The following CPQ variants were observed in gnomAD, a reference collection of about 807,000 sequenced individuals.
The protein encoded by CPQ is carboxypeptidase Q, also known as Ser-Met dipeptidase.
A neutral mutation model predicts 45.7 loss-of-function variants in CPQ; 37 were observed. The ratio of observed to expected loss-of-function variants is 0.81; its 90% CI spans 0.62 to 1.07. CPQ has a LOEUF of 1.07. CPQ is among the 50% of genes least tolerant of loss of function. The pLI is 0.00. For missense variants in CPQ, 537 were observed against 572.9 expected (o/e 0.94, Z 0.64); for synonymous variants, 186 against 205.8 (o/e 0.90, Z 0.82).
intron 1 of CPQ, among the ~76,000 whole-genome samples, chr8:96,696,922 A>C (rs962506025): frequency 6.6e-6 from 1 of 152,214 alleles, no homozygotes; most frequent in Non-Finnish European, 1.5e-5. Context: ...TCCATGGCTG[A>C]ATTCTAACAA....
intron 4 of CPQ, among the ~76,000 whole-genome samples, chr8:96,902,932 T>A (rs1812531578): frequency 6.6e-6 from 1 of 152,224 alleles, no homozygotes; most frequent in Non-Finnish European, 1.5e-5. Context: ...AGCTCATTCT[T>A]TCCCTTGTCA....
At chr8:96,689,627 G>A (rs908284008) in intron 1 of CPQ, among the ~76,000 whole-genome samples, 1 of 152,136 alleles carries the variant, frequency 6.6e-6, no homozygotes, top group South Asian at 2.1e-4. Context: ...GCAACAGTTC[G>A]ATTGGATATA....
chr8:96,922,908 G>C (rs1034332888), intron 4 of CPQ, among the ~76,000 whole-genome samples: 1 of 149,938 alleles, frequency 6.7e-6, no homozygotes, highest in Non-Finnish European at 1.5e-5. Flanking sequence ...TGGGCTTACT[G>C]TGTCCATACC....
At chr8:97,106,386 T>A (rs1391008441) in intron 7 of CPQ, among the ~76,000 whole-genome samples, 1 of 152,204 alleles carries the variant, frequency 6.6e-6, no homozygotes. Flanking sequence ...CCTTGGACTT[T>A]GATCACACAT....
chr8:96,645,925 C>A (rs72680193), intron 1 of CPQ, among the ~76,000 whole-genome samples: 3,842 of 150,476 alleles, frequency 0.026, 69 homozygotes, highest in South Asian at 0.054. Flanking sequence ...GGGCAAAGTC[C>A]CATCTGACTT....
chr8:97,026,545 ACAAT>A (rs1415607275), intron 5 of CPQ, among the ~76,000 whole-genome samples: 2 of 152,166 alleles, frequency 1.3e-5, no homozygotes, highest in Admixed American at 1.3e-4. Context: ...AGGTTCAGGG[ACAAT>A]CAGATTGTCA....
chr8:96,704,374 A>G (rs1809505654), intron 1 of CPQ, among the ~76,000 whole-genome samples: 1 of 152,218 alleles, frequency 6.6e-6, no homozygotes, highest in Non-Finnish European at 1.5e-5. Context: ...GTAGATGCTT[A>G]ATAAATGTTC....
At chr8:97,031,607 G>A (rs1809909240) in intron 6 of CPQ, among the ~76,000 whole-genome samples, 1 of 152,204 alleles carries the variant, frequency 6.6e-6, no homozygotes, top group Non-Finnish European at 1.5e-5. Flanking sequence ...TTATTTTTCT[G>A]TAATGTGAGT....
At chr8:96,975,795 G>A (rs905225944) in intron 5 of CPQ, among the ~76,000 whole-genome samples, 6 of 152,046 alleles carry the variant, frequency 3.9e-5, no homozygotes, top group East Asian at 1.9e-4. Context: ...ATCCAGCATC[G>A]CTTTATGATT....
At chr8:96,810,339 A>G (rs911435955) in intron 2 of CPQ, among the ~76,000 whole-genome samples, 10 of 152,194 alleles carry the variant, frequency 6.6e-5, no homozygotes, top group African/African-American at 2.4e-4. Context: ...AGATGTTTGT[A>G]GAATTAGTGA....
intron 5 of CPQ, among the ~76,000 whole-genome samples, chr8:96,972,171 G>C (rs1049442890): frequency 6.6e-6 from 1 of 152,192 alleles, no homozygotes; most frequent in Non-Finnish European, 1.5e-5. Flanking sequence ...GGGCACTGTG[G>C]GAGTGAGACC....
chr8:96,889,230 C>T (rs1350007264), intron 4 of CPQ, among the ~76,000 whole-genome samples: 1 of 152,184 alleles, frequency 6.6e-6, no homozygotes, highest in Non-Finnish European at 1.5e-5. Flanking sequence ...ACTCTGGCCA[C>T]TGCATACTTT....
In CPQ at chr8:96,689,921, G is replaced by A. The variant is rs913072948; in HGVS notation, c.-35+44519G>A. ...TTTATTCTGATCACTTTTTAAATTT[G>A]TGTCCTTCATAATTCTTACTTTGTT... is the stretch of plus-strand genomic sequence containing the variant. On this transcript the variant is annotated intron_variant, in intron 1 of 7. Transcript: ENST00000220763. Among the ~76,000 whole-genome samples the A allele has an allele frequency of 6.6e-5, 10 of 151,806 alleles. No homozygotes were observed. The East Asian group carries it at 1.6e-3, about 24-fold the overall frequency.
chr8:97,075,513 G>C (rs1048534290), intron 7 of CPQ, among the ~76,000 whole-genome samples: 1 of 152,142 alleles, frequency 6.6e-6, no homozygotes, highest in Non-Finnish European at 1.5e-5. Context: ...ACTGATTTTG[G>C]TTAGCTTAAT....
At chr8:97,033,897 C>G (rs983776445) in intron 6 of CPQ, among the ~76,000 whole-genome samples, 1 of 151,888 alleles carries the variant, frequency 6.6e-6, no homozygotes, top group Non-Finnish European at 1.5e-5. Context: ...ACACTGTACT[C>G]TAATTAATAT....
chr8:96,995,030 G>A (rs112772332), intron 5 of CPQ, among the ~76,000 whole-genome samples: 277 of 152,022 alleles, frequency 1.8e-3, no homozygotes, highest in African/African-American at 6.4e-3. Context: ...CTCGAAAGAG[G>A]TTGAAGAACT....
At chr8:96,874,986 C>T (rs1812126788) in intron 3 of CPQ, among the ~76,000 whole-genome samples, 2 of 151,822 alleles carry the variant, frequency 1.3e-5, no homozygotes, top group Admixed American at 1.3e-4. Flanking sequence ...ACATCCTCCC[C>T]AATGCTTGTT....
intron 7 of CPQ, among the ~76,000 whole-genome samples, chr8:97,087,290 G>T (rs140237394): frequency 1.3e-5 from 2 of 152,082 alleles, no homozygotes; most frequent in African/African-American, 4.8e-5. Flanking sequence ...CACAAATTAC[G>T]CGGGACAGAA....
intron 3 of CPQ, among the ~76,000 whole-genome samples, chr8:96,853,424 T>G (rs1811799939): frequency 1.3e-5 from 2 of 152,376 alleles, no homozygotes; most frequent in South Asian, 4.1e-4. Flanking sequence ...ATTTGCTGTT[T>G]GCTTTTGTTT....
Sources: allele counts gnomAD v4.1 joint callset (sites outside exome capture counted in the v4.1 genomes callset), GRCh38; gene constraint gnomAD v4.1.1; transcripts MANE v1.5; gene names NCBI Gene and HGNC (gene_info 2026-07-23, HGNC 2026-07-21).